Variants in ZNF880 observed in about 807,000 individuals in gnomAD.
ZNF880 encodes the protein zinc finger protein 880.
Under a neutral mutation model 11.8 loss-of-function variants are expected in ZNF880, and 12 were observed. That is an observed-to-expected ratio of 1.02 (90% CI 0.65 to 1.65). The LOEUF is 1.65. Among genes scored for constraint, ZNF880 ranks in the 40% most tolerant of loss-of-function variants. ZNF880 has a pLI of 0.00. For missense variants in ZNF880, 601 were observed against 673.9 expected (o/e 0.89, Z 1.20); for synonymous variants, 210 against 232.4 (o/e 0.90, Z 0.88).
chr19:52,385,466 A>G lies in ZNF880; in HGVS notation c.*152A>G. On this transcript the variant is annotated 3_prime_UTR_variant, in exon 4 of 4. Coordinates refer to ENST00000422689, the MANE Select transcript of ZNF880 (RefSeq NM_001145434.2). ...ATCAGAGATTCCATACTAAAGAGAA[A>G]TCATAGCAATGTATGTGAATCAGGT... 1 of 908,564 alleles carries G rather than the reference A, an allele frequency of 1.1e-6. No individual in the cohort carries two copies. The highest frequency in any genetic ancestry group is 1.6e-6 in the Non-Finnish European group (1 of 616,598). 56.3% of individuals were successfully genotyped at this position (908,564 alleles called of 1,614,324 possible).
chr19:52,384,006 A>C lies in ZNF880; in HGVS notation c.426A>C (p.Leu142Phe). Residue 142 changes from leucine to phenylalanine, a missense_variant, in exon 4 of 4, where the codon TTA (leucine) becomes TTC (phenylalanine). Leu to Phe is a conservative substitution (Grantham distance 22). Around this residue, in one of 3 missense-constraint regions of ZNF880, gnomAD observed 420 missense variants for 442.6 expected, o/e 0.95. Coordinates refer to ENST00000422689, the MANE Select transcript of ZNF880 (RefSeq NM_001145434.2). ...TCGAAAAACCTATCAACAATTCCTT[A>C]GTTTCACCACTTCAAAAAATTTATT... ...KHVEKPINNS[L>F]VSPLQKIYSS... 13 of 1,548,220 alleles carry C rather than the reference A, an allele frequency of 8.4e-6. No homozygotes were observed. Among genetic ancestry groups the C allele is most frequent in the Non-Finnish European group, 1.0e-5 (12 of 1,145,042 alleles).
chr19:52,381,169 C>CA (rs1410937855), intron 3 of ZNF880, among the ~76,000 whole-genome samples: 2 of 150,776 alleles, frequency 1.3e-5, no homozygotes, highest in African/African-American at 4.9e-5. Context: ...AGGCTTATCT[C>CA]AAACTCTTAG....
At chr19:52,370,019 C>T in intron 1 of ZNF880, 42 bp downstream of exon 1, 1 of 1,551,412 alleles carries the variant, frequency 6.4e-7, no homozygotes, top group Non-Finnish European at 8.7e-7. Context: ...GATGCTGAGT[C>T]CCCTCGCGCT....
downstream of ZNF880, among the ~76,000 whole-genome samples, chr19:52,387,901 T>C (rs1401449759): frequency 1.6e-5 from 2 of 123,858 alleles, no homozygotes; most frequent in Admixed American, 1.5e-4. Context: ...AAATTTTCTT[T>C]TTTTTTTTTT....
At chr19:52,392,292 T>TTC in the ZNF880 span, among the ~76,000 whole-genome samples, 30 of 151,408 alleles carry the variant, frequency 2.0e-4, no homozygotes, top group East Asian at 5.1e-3. Flanking sequence ...CTTCCTCCCT[T>TTC]TCTCTCTCTC....
downstream of ZNF880, chr19:52,390,082 A>T (rs1204031761): frequency 6.4e-6 from 1 of 156,842 alleles, no homozygotes; most frequent in African/African-American, 2.4e-5. Context: ...AATACCCGAG[A>T]CTGGGTAATT....
chr19:52,376,512 T>TC (rs771242860), intron 3 of ZNF880, among the ~76,000 whole-genome samples: 6,582 of 127,530 alleles, frequency 0.052, 313 homozygotes, highest in South Asian at 0.11. Flanking sequence ...CCCCCCCCTT[T>TC]TTTTTTTTTT....
Position 52,385,500 on chromosome 19 carries a change from G to A in ZNF880, c.*186G>A. The A allele has an allele frequency of 4.5e-6, 3 of 667,296 alleles. No homozygotes were observed. The highest frequency in any genetic ancestry group is 4.9e-6 in the Non-Finnish European group (2 of 406,104). 41.3% of individuals were successfully genotyped at this position (667,296 alleles called of 1,614,324 possible). ...ATGTATGTGAATCAGGTCTCTTGAGGCCTGCCAAATGACTAGATATCAAAA... is the reference window on the plus strand; with the variant it reads ...ATGTATGTGAATCAGGTCTCTTGAGACCTGCCAAATGACTAGATATCAAAA... On this transcript the variant is annotated 3_prime_UTR_variant, in exon 4 of 4. Transcript: ENST00000422689.
At chr19:52,369,198 T>A (rs1479993100), upstream of ZNF880, among the ~76,000 whole-genome samples, 4 of 151,204 alleles carry the variant, frequency 2.6e-5, no homozygotes, top group African/African-American at 9.7e-5. Context: ...CTGTCTCTAT[T>A]AAAAGTACAA....
chr19:52,383,829 CTT>C lies in ZNF880; in HGVS notation c.269-15_269-14del. On this transcript the variant is annotated intron_variant, in intron 3 of 3. Coordinates refer to ENST00000422689, the MANE Select transcript of ZNF880 (RefSeq NM_001145434.2). ...GCCATTGTCATGGGTTGAAGTTCCA[CTT>C]TTTTCTTTCTTTTTTAGAGAGCAGC... 6.6e-7 allele frequency: 1 copy of C among 1,505,308 alleles called. No homozygotes were observed. The highest frequency in any genetic ancestry group is 8.9e-7 in the Non-Finnish European group (1 of 1,129,330). The allele number at this position is 1,505,308 out of a possible 1,614,324, so 93.2% of individuals were successfully genotyped here.
rs555421795 is a variant in ZNF880, at chr19:52,372,319, G to A, written c.13-792G>A. Among the ~76,000 whole-genome samples, 735 of 141,936 alleles carry A rather than the reference G, an allele frequency of 5.2e-3. 4 individuals are homozygous for A. The highest frequency in any genetic ancestry group is 0.018 in the African/African-American group (689 of 38,148). The allele number at this position is 141,936 out of a possible 152,430, so 93.1% of individuals were successfully genotyped here. On this transcript the variant is annotated intron_variant, in intron 1 of 3. Coordinates refer to ENST00000422689, the MANE Select transcript of ZNF880 (RefSeq NM_001145434.2). ...TTTTTTTTTTTGGAGACAGAGTCTCGCTCAGTTGCCCAGGCTGGAGTGCAG... is the reference window on the plus strand; with the variant it reads ...TTTTTTTTTTTGGAGACAGAGTCTCACTCAGTTGCCCAGGCTGGAGTGCAG...
In ZNF880 at chr19:52,373,225, C is replaced by G. The variant is rs1377505528; in HGVS notation, c.127C>G (p.Leu43Val). Residue 43 changes from leucine to valine, a missense_variant, in exon 2 of 4, where the codon CTG becomes GTG. Around this residue, in one of 3 missense-constraint regions of ZNF880, gnomAD observed 420 missense variants for 442.6 expected, o/e 0.95. Transcript: ENST00000422689. ...AGTGATGGTGGAGAACTACAGGAACCTGGTCTTTCTGGGTGAGGATAATGT... is the reference window on the plus strand; with the variant it reads ...AGTGATGGTGGAGAACTACAGGAACGTGGTCTTTCTGGGTGAGGATAATGT... ...REVMVENYRN[L>V]VFLGICLPDL... is the part of the protein sequence containing the mutation. 5.0e-6 allele frequency: 8 copies of G among 1,612,212 alleles called. No individual in the cohort carries two copies. The highest frequency in any genetic ancestry group is 6.8e-6 in the Non-Finnish European group (8 of 1,179,056).
Position 52,385,745 on chromosome 19 carries a change from C to T in ZNF880, c.*431C>T, listed in dbSNP as rs2122424742. The T allele has an allele frequency of 6.5e-6, 1 of 154,566 alleles. No individual in the cohort carries two copies. Among genetic ancestry groups the T allele is most frequent in the Admixed American group, 6.1e-5 (1 of 16,316 alleles). The allele number at this position is 154,566 out of a possible 1,614,324, so 9.6% of individuals were successfully genotyped here. The stretch of plus-strand genomic sequence containing the variant: ...AGGTCCAAGGGCATGTGGAAATGGT[C>T]AGTTATATTCAGGCAATTAAAAAAC... On this transcript the variant is annotated 3_prime_UTR_variant, in exon 4 of 4. Coordinates refer to ENST00000422689, the MANE Select transcript of ZNF880 (RefSeq NM_001145434.2).
chr19:52,373,795 C>T (rs918367627), intron 2 of ZNF880, among the ~76,000 whole-genome samples: 9 of 151,028 alleles, frequency 6.0e-5, no homozygotes, highest in Non-Finnish European at 1.0e-4. Context: ...CTCAGCCTCC[C>T]GAGTAGCTGG....
chr19:52,374,083 T>C (rs1186319856), intron 2 of ZNF880, among the ~76,000 whole-genome samples: 2 of 151,902 alleles, frequency 1.3e-5, no homozygotes, highest in African/African-American at 2.4e-5. Flanking sequence ...ATTATTTTTT[T>C]GAGACAGAGT....
intron 1 of ZNF880, among the ~76,000 whole-genome samples, chr19:52,371,668 G>A (rs1358082856): frequency 6.6e-6 from 1 of 151,246 alleles, no homozygotes; most frequent in Non-Finnish European, 1.5e-5. Flanking sequence ...GAGCCACCAC[G>A]CCTGGCCTAA....
chr19:52,374,491 C>G (rs901329272), intron 3 of ZNF880, 64 bp downstream of exon 3: 1 of 1,542,496 alleles, frequency 6.5e-7, no homozygotes, highest in African/African-American at 1.4e-5. Flanking sequence ...CAGGGTCTTG[C>G]TCTGTCACCC....
chr19:52,393,728 GTA>G, the ZNF880 span, among the ~76,000 whole-genome samples: 5 of 116,942 alleles, frequency 4.3e-5, no homozygotes, highest in Non-Finnish European at 8.0e-5. Context: ...AATGTATATG[GTA>G]TATGTCTCTA....
chr19:52,388,286 T>TTTTTTTTTTTTTTC (rs1986948255), downstream of ZNF880, among the ~76,000 whole-genome samples: 1 of 75,378 alleles, frequency 1.3e-5, no homozygotes, highest in Non-Finnish European at 3.2e-5. Flanking sequence ...TTTGAACTTT[T>TTTTTTTTTTTTTTC]TTTTTTTTTT....
Sources: allele counts gnomAD v4.1 joint callset (sites outside exome capture counted in the v4.1 genomes callset), GRCh38; gene constraint gnomAD v4.1.1; regional missense constraint gnomAD v4.1.1; transcripts MANE v1.5; gene names NCBI Gene and HGNC (gene_info 2026-07-23, HGNC 2026-07-21).